The following KATNIP variants were observed in gnomAD, a reference collection of about 807,000 sequenced individuals.
KATNIP encodes katanin interacting protein.
In KATNIP, 126 loss-of-function variants were observed where a neutral mutation model predicts 174.0. The observed-to-expected ratio is 0.72, with a 90% CI of 0.63 to 0.84. The LOEUF (loss-of-function observed/expected upper bound fraction) is 0.84, where lower values mean the gene tolerates loss of function less well. Among genes scored for constraint, KATNIP ranks in the 40% least tolerant of loss-of-function variants. The probability of loss-of-function intolerance (pLI) is 0.00; values close to 1 mark genes in which losing one functional copy is unlikely to be tolerated. For missense variants in KATNIP, 1,958 were observed against 2,109.7 expected, an observed-to-expected ratio of 0.93 and a Z score of 1.41; for synonymous variants, 810 against 835.7, an observed-to-expected ratio of 0.97 and a Z score of 0.53.
At chr16:27,573,259 G>T (rs534755418) in intron 1 of KATNIP, among the ~76,000 whole-genome samples, 3 of 152,292 alleles carry the variant, frequency 2.0e-5, no homozygotes, top group Admixed American at 1.3e-4. Flanking sequence ...TTGCATCAAG[G>T]CATTCCTTTA....
chr16:27,588,878 C>CTTTT (rs11346883), intron 2 of KATNIP, among the ~76,000 whole-genome samples: 17 of 78,094 alleles, frequency 2.2e-4, no homozygotes, highest in Admixed American at 5.1e-4. Context: ...CAACTCTATT[C>CTTTT]TTTTTTTTTT....
intron 9 of KATNIP, 93 bp from the exon 10 acceptor site, chr16:27,699,441 T>C (rs1471702197): frequency 7.7e-6 from 12 of 1,557,004 alleles, no homozygotes; most frequent in Non-Finnish European, 1.0e-5. Flanking sequence ...CTTGAGAAGG[T>C]CCCTGCCCTT....
chr16:27,721,562 A>C lies in KATNIP; in HGVS notation c.1610A>C (p.Lys537Thr). 1 of 1,614,160 alleles carries C rather than the reference A, an allele frequency of 6.2e-7. No individual in the cohort carries two copies. The highest frequency in any genetic ancestry group is 8.5e-7 in the Non-Finnish European group (1 of 1,180,012). ...CTTCTCTTGCTGGCCTTCTAGGGCAAGAAAGACTCCTCCCCGTGGACCTGC... is the reference window on the plus strand; with the variant it reads ...CTTCTCTTGCTGGCCTTCTAGGGCACGAAAGACTCCTCCCCGTGGACCTGC... ...GRLVNRNLAGKKDSSPWTCPF... is the reference protein window; with the variant it reads ...GRLVNRNLAGTKDSSPWTCPF... The change falls in exon 14 of 28, where the codon AAG becomes ACG. Residue 537 changes from lysine to threonine, a missense_variant. Lys to Thr is a moderately conservative substitution (Grantham distance 78). Coordinates refer to ENST00000261588, the MANE Select transcript of KATNIP (RefSeq NM_015202.5).
chr16:27,665,671 G>A (rs2077657561), intron 6 of KATNIP, among the ~76,000 whole-genome samples: 1 of 151,326 alleles, frequency 6.6e-6, no homozygotes, highest in South Asian at 2.1e-4. Context: ...TACGATCTTG[G>A]CTCCCTGCAA....
Position 27,685,649 on chromosome 16 carries a change from G to C in KATNIP, c.940+4119G>C, listed in dbSNP as rs8059635. Among the ~76,000 whole-genome samples the C allele has an allele frequency of 5.3e-3, 814 of 152,342 alleles. 13 individuals carry two copies. Among genetic ancestry groups the C allele is most frequent in the African/African-American group, 0.019 (781 of 41,576 alleles). On this transcript the variant is annotated intron_variant, in intron 8 of 27. Coordinates refer to ENST00000261588, the MANE Select transcript of KATNIP (RefSeq NM_015202.5). ...AGTTTGTTCCATCAGTACTCCTAAA[G>C]AGGACACTATTTGAGGTAGTGGAAT...
intron 5 of KATNIP, 29 bp downstream of exon 5, chr16:27,631,191 T>A: frequency 2.0e-6 from 3 of 1,495,490 alleles, no homozygotes; most frequent in Non-Finnish European, 2.7e-6. Flanking sequence ...CAGCCCACGC[T>A]TTAGAATACA....
intron 8 of KATNIP, among the ~76,000 whole-genome samples, chr16:27,690,359 TAGATGATA>T (rs756331537): frequency 1.7e-4 from 18 of 106,866 alleles, no homozygotes; most frequent in Non-Finnish European, 2.5e-4. Context: ...GATAGATAGA[TAGATGATA>T]GATAGATAGA....
chr16:27,573,968 C>T lies in KATNIP; in HGVS notation c.63+12C>T, dbSNP rs1326803048. The T allele has an allele frequency of 2.5e-6, 4 of 1,613,304 alleles. No homozygotes were observed. Among genetic ancestry groups the T allele is most frequent in the Non-Finnish European group, 3.4e-6 (4 of 1,179,362 alleles). ...GAGAGAAAAAGGAGGTAAATGTGTC[C>T]CTGGCGAGGGCTGATGGGAGGCAAC... On this transcript the variant is annotated intron_variant, in intron 2 of 27. Coordinates refer to ENST00000261588, the MANE Select transcript of KATNIP (RefSeq NM_015202.5).
intron 8 of KATNIP, among the ~76,000 whole-genome samples, chr16:27,693,387 TTTTTC>T: frequency 6.6e-6 from 1 of 152,020 alleles, no homozygotes; most frequent in Middle Eastern, 3.4e-3. Flanking sequence ...CCCACTTGAT[TTTTTC>T]TTTTCTTTTT....
At chr16:27,778,145 G>A (rs1013298065) in intron 27 of KATNIP, among the ~76,000 whole-genome samples, 176 bp downstream of exon 27, 6 of 152,156 alleles carry the variant, frequency 3.9e-5, no homozygotes, top group Non-Finnish European at 1.5e-5. Flanking sequence ...AACCAGGGGA[G>A]CAACATGCTT....
At chr16:27,571,987 G>GGTGT (rs368600782) in intron 1 of KATNIP, among the ~76,000 whole-genome samples, 4 of 150,766 alleles carry the variant, frequency 2.7e-5, no homozygotes, top group South Asian at 2.1e-4. Flanking sequence ...AAATCCTGGG[G>GGTGT]GTGTGTGTGT....
At chr16:27,704,897 C>CT (rs1360466306) in intron 12 of KATNIP, among the ~76,000 whole-genome samples, 4 of 138,924 alleles carry the variant, frequency 2.9e-5, no homozygotes, top group African/African-American at 7.9e-5. Flanking sequence ...TCGTTCTTTT[C>CT]TTTTTTTTCT....
chr16:27,597,153 G>A (rs143695926), intron 2 of KATNIP, among the ~76,000 whole-genome samples: 4 of 152,200 alleles, frequency 2.6e-5, no homozygotes, highest in Non-Finnish European at 4.4e-5. Flanking sequence ...TGATCACATT[G>A]CTGCACTCTA....
chr16:27,601,550 G>A (rs1215254659), intron 2 of KATNIP, among the ~76,000 whole-genome samples: 3 of 152,056 alleles, frequency 2.0e-5, no homozygotes, highest in African/African-American at 7.2e-5. Context: ...TCCTGAGCTC[G>A]AGTGATCCTC....
chr16:27,739,962 T>C (rs2081037920), intron 14 of KATNIP, 79 bp from the exon 15 acceptor site: 3 of 1,436,554 alleles, frequency 2.1e-6, no homozygotes, highest in South Asian at 1.4e-5. Flanking sequence ...TTTTCTTTTT[T>C]TGGTATCTTC....
At chr16:27,688,421 C>T (rs2078598254) in intron 8 of KATNIP, among the ~76,000 whole-genome samples, 1 of 152,076 alleles carries the variant, frequency 6.6e-6, no homozygotes, top group Non-Finnish European at 1.5e-5. Flanking sequence ...GGTGAAACCC[C>T]ATCTCTACTA....
chr16:27,656,439 A>C (rs1297460392), intron 6 of KATNIP, among the ~76,000 whole-genome samples: 1 of 150,812 alleles, frequency 6.6e-6, no homozygotes, highest in South Asian at 2.1e-4. Context: ...AAAAAAAAAA[A>C]AGGAAGAAAA....
chr16:27,723,066 A>G (rs1167175695), intron 14 of KATNIP, among the ~76,000 whole-genome samples: 2 of 152,208 alleles, frequency 1.3e-5, no homozygotes, highest in Admixed American at 1.3e-4. Flanking sequence ...CAGCCAAGGC[A>G]GGAAAGGAGA....
chr16:27,559,824 T>C (rs930763224), intron 1 of KATNIP, among the ~76,000 whole-genome samples: 7 of 147,308 alleles, frequency 4.8e-5, no homozygotes, highest in Admixed American at 4.7e-4. Context: ...CTAGTAAAAA[T>C]ACAGAAATTA....
Sources: allele counts gnomAD v4.1 joint callset (sites outside exome capture counted in the v4.1 genomes callset), GRCh38; gene constraint gnomAD v4.1.1; transcripts MANE v1.5; gene names NCBI Gene and HGNC (gene_info 2026-07-23, HGNC 2026-07-21).